The following PDE11A variants were observed in gnomAD, a reference collection of about 807,000 sequenced individuals.
PDE11A encodes phosphodiesterase 11A.
Under a neutral mutation model 100.5 loss-of-function variants are expected in PDE11A, and 100 were observed. The observed-to-expected ratio is 1.00, with a 90% CI of 0.85 to 1.18. The LOEUF (loss-of-function observed/expected upper bound fraction) is 1.18. Ranked by LOEUF, PDE11A falls within the 50% of genes most tolerant of loss-of-function variation. PDE11A has a pLI of 0.00. For synonymous variants in PDE11A, 381 were observed against 420.8 expected (o/e 0.91, Z 1.16); for missense variants, 1,141 against 1,152.6 (o/e 0.99, Z 0.15).
At chr2:177,782,673 C>T (rs1450704131) in intron 9 of PDE11A, among the ~76,000 whole-genome samples, 1 of 152,126 alleles carries the variant, frequency 6.6e-6, no homozygotes, top group African/African-American at 2.4e-5. Flanking sequence ...TCAATTTCCA[C>T]ACCAAAAAAA....
chr2:177,647,590 A>G (rs1997208), intron 19 of PDE11A, among the ~76,000 whole-genome samples: 118,768 of 152,088 alleles, frequency 0.78, 47,097 homozygotes, highest in East Asian at 0.9. Context: ...CATTTCTTGC[A>G]AGAGTTTAAA....
In PDE11A at chr2:178,069,598, A is replaced by C. The variant is rs548772830; in HGVS notation, c.912+1928T>G. On this transcript the variant is annotated intron_variant, in intron 1 of 19. Transcript: ENST00000286063. ...CTGGGGGGAAAAGGGAAAAAAAAAA[A>C]CTCCTCTTTCCCAATGTCAGCTTCC... Among the ~76,000 whole-genome samples, 90 of 151,556 alleles carry C rather than the reference A, an allele frequency of 5.9e-4. 1 individual carries two copies. Among genetic ancestry groups the C allele is most frequent in the African/African-American group, 2.1e-3 (88 of 41,360 alleles).
chr2:177,937,636 A>C (rs2085292250), intron 2 of PDE11A, among the ~76,000 whole-genome samples: 1 of 151,942 alleles, frequency 6.6e-6, no homozygotes, highest in African/African-American at 2.4e-5. Context: ...AGAAGATATG[A>C]CTCTTTTCTT....
chr2:177,660,099 C>CTTTCTTTCTT (rs1553535225), intron 19 of PDE11A, among the ~76,000 whole-genome samples: 5 of 42,276 alleles, frequency 1.2e-4, no homozygotes, highest in Admixed American at 2.8e-4. Flanking sequence ...TTCTTTCTTT[C>CTTTCTTTCTT]TCTCTCTCTC....
At chr2:177,841,728 T>C (rs2083493735) in intron 5 of PDE11A, among the ~76,000 whole-genome samples, 1 of 152,184 alleles carries the variant, frequency 6.6e-6, no homozygotes, top group East Asian at 1.9e-4. Context: ...ATATTAAACA[T>C]TAATAATACA....
At chr2:178,074,543 G>T (rs1319836771), upstream of PDE11A, among the ~76,000 whole-genome samples, 1 of 151,998 alleles carries the variant, frequency 6.6e-6, no homozygotes, top group Non-Finnish European at 1.5e-5. Context: ...ACCAACCCTG[G>T]GCTTCCTAGA....
intron 16 of PDE11A, chr2:177,675,978 C>A (rs2080766786): frequency 1.0e-5 from 3 of 295,286 alleles, no homozygotes; most frequent in South Asian, 1.0e-4. Flanking sequence ...AAGGCACATG[C>A]CACATAAGGG....
intron 5 of PDE11A, among the ~76,000 whole-genome samples, chr2:177,852,403 A>G (rs974936061): frequency 1.3e-5 from 2 of 152,000 alleles, no homozygotes; most frequent in Non-Finnish European, 2.9e-5. Context: ...TTTTTGATCT[A>G]TATGATAGTA....
At chr2:177,906,463 T>C (rs2084790572) in intron 2 of PDE11A, among the ~76,000 whole-genome samples, 1 of 152,204 alleles carries the variant, frequency 6.6e-6, no homozygotes, top group Admixed American at 6.5e-5. Context: ...ATTAAAATCT[T>C]TCCTTGGTTA....
intron 12 of PDE11A, among the ~76,000 whole-genome samples, chr2:177,715,617 C>T (rs1202495950): frequency 3.3e-5 from 5 of 151,952 alleles, no homozygotes; most frequent in African/African-American, 1.2e-4. Context: ...TCTTACTTTC[C>T]AGGCATAATA....
intron 10 of PDE11A, among the ~76,000 whole-genome samples, chr2:177,737,579 C>T (rs113622290): frequency 5.9e-5 from 7 of 118,852 alleles, no homozygotes; most frequent in African/African-American, 1.6e-4. Context: ...CCAGCCTGGG[C>T]GACTCTGTCT....
chr2:177,761,890 A>G (rs1017422645), intron 10 of PDE11A, among the ~76,000 whole-genome samples: 12 of 152,238 alleles, frequency 7.9e-5, no homozygotes, highest in Admixed American at 7.9e-4. Flanking sequence ...ATTCGAATTG[A>G]AAGAATCTAG....
intron 1 of PDE11A, chr2:178,104,617 A>C: frequency 3.0e-6 from 2 of 673,740 alleles, no homozygotes; most frequent in South Asian, 1.9e-5. Flanking sequence ...AAAGCATGCA[A>C]GCTTTAATGT....
chr2:177,701,203 G>C lies in PDE11A; in HGVS notation c.2162C>G (p.Ser721Cys). The C allele has an allele frequency of 6.4e-7, 1 of 1,561,258 alleles. No individual in the cohort carries two copies. Among genetic ancestry groups the C allele is most frequent in the South Asian group, 1.1e-5 (1 of 90,034 alleles). Residue 721 changes from serine (S) to cysteine (C), a missense_variant, in exon 14 of 20, where the codon TCT becomes TGT. Transcript: ENST00000286063. ...TNNAFQAKSGSALAQLYGTSA... is the reference protein window; with the variant it reads ...TNNAFQAKSGCALAQLYGTSA... ...GGTTCCATAGAGTTGGGCCAGGGCAGAGCCACTCCTGAAAGAGGACAGAGG... is the reference window on the plus strand; with the variant it reads ...GGTTCCATAGAGTTGGGCCAGGGCACAGCCACTCCTGAAAGAGGACAGAGG...
rs1559117268 is a variant in PDE11A, at chr2:177,631,533, A to ACACATGTG, written c.2647-1972_2647-1971insCACATGTG. On this transcript the variant is annotated intron_variant, in intron 19 of 19. Transcript: ENST00000286063. ...AAAAAATATATATATATATATATAT[A>ACACATGTG]TATATATATATATACACATGTATAT... 1.3e-3 allele frequency among the ~76,000 whole-genome samples: 40 copies of ACACATGTG among 31,032 alleles called. 5 individuals are homozygous for ACACATGTG. The highest frequency in any genetic ancestry group is 4.5e-3 in the African/African-American group (39 of 8,578). 20.4% of individuals were successfully genotyped at this position (31,032 alleles called of 152,430 possible).
chr2:178,029,063 A>T (rs1469736096), intron 1 of PDE11A, among the ~76,000 whole-genome samples: 1 of 152,212 alleles, frequency 6.6e-6, no homozygotes, highest in Non-Finnish European at 1.5e-5. Context: ...TACTTAAGAA[A>T]GGTTATCTTA....
intron 2 of PDE11A, among the ~76,000 whole-genome samples, chr2:177,910,906 C>A (rs895367612): frequency 2.0e-5 from 3 of 152,108 alleles, no homozygotes; most frequent in Admixed American, 6.5e-5. Flanking sequence ...TTGAAGAATG[C>A]CGGGGGTCTA....
intron 19 of PDE11A, among the ~76,000 whole-genome samples, chr2:177,631,594 T>TATATATGTGTGTATATATATAC (rs1385440733): frequency 5.4e-5 from 2 of 36,812 alleles, no homozygotes; most frequent in Non-Finnish European, 6.1e-5. Context: ...TACACACACA[T>TATATATGTGTGTATATATATAC]ATATATGTGT....
intron 6 of PDE11A, among the ~76,000 whole-genome samples, chr2:177,820,694 G>T (rs552832172): frequency 1.3e-5 from 2 of 151,854 alleles, no homozygotes; most frequent in Non-Finnish European, 2.9e-5. Context: ...GGGTGCACTT[G>T]TTAGTAAAAC....
Sources: gnomAD v4.1 joint callset for allele counts (sites outside exome capture counted in the v4.1 genomes callset) on GRCh38, gnomAD v4.1.1 for gene constraint, MANE v1.5 for transcripts, NCBI Gene and HGNC (gene_info 2026-07-23, HGNC 2026-07-21) for gene names.